CDH19: variants seen among roughly 807,000 people sequenced by gnomAD.
CDH19 encodes the protein cadherin-19.
Under a neutral mutation model 64.2 loss-of-function variants are expected in CDH19, and 67 were observed. The ratio of observed to expected loss-of-function variants is 1.04; its 90% CI spans 0.86 to 1.28. The LOEUF is 1.28. Ranked by LOEUF, CDH19 falls within the 50% of genes most tolerant of loss-of-function variation. The pLI, the probability that CDH19 is intolerant of heterozygous loss-of-function variation, is 0.00. For missense variants in CDH19, 1,030 were observed against 929.0 expected (o/e 1.11, Z -1.41); for synonymous variants, 346 against 319.3 (o/e 1.08, Z -0.89).
chr18:66,570,508 G>T (rs1445572020), intron 2 of CDH19, among the ~76,000 whole-genome samples: 2 of 151,538 alleles, frequency 1.3e-5, no homozygotes, highest in Non-Finnish European at 1.5e-5. Flanking sequence ...TCACTTAATT[G>T]TACTTCCCAA....
In CDH19 at chr18:66,529,874, A is replaced by G; in HGVS notation, c.1429T>C (p.Tyr477His). ...APEFSQYYET[Y>H]VCENAGSGQV... Reference sequence around the variant, plus strand: ...CCAGAGCCTGCATTTTCACAAACATAAGTCTCATAGTATTGAGAGAACTCA... The same window carrying G: ...CCAGAGCCTGCATTTTCACAAACATGAGTCTCATAGTATTGAGAGAACTCA... The change falls in exon 9 of 12, where the codon TAT becomes CAT. Residue 477 changes from tyrosine (Y) to histidine (H), a missense_variant. By Grantham distance (83) the Tyr-to-His change is moderately conservative (BLOSUM62 2). Transcript: ENST00000262150. The G allele has an allele frequency of 6.3e-7, 1 of 1,596,368 alleles. No individual in the cohort carries two copies. The highest frequency in any genetic ancestry group is 8.6e-7 in the Non-Finnish European group (1 of 1,169,198).
chr18:66,547,669 T>TG (rs1568191367), intron 5 of CDH19, among the ~76,000 whole-genome samples: 1 of 135,992 alleles, frequency 7.4e-6, no homozygotes, highest in Non-Finnish European at 1.6e-5. Flanking sequence ...AGGTTTTTTT[T>TG]TTTTTTTTTT....
chr18:66,562,884 T>C lies in CDH19; in HGVS notation c.490+5532A>G, dbSNP rs116784940. Among the ~76,000 whole-genome samples, 1,267 of 152,228 alleles carry C rather than the reference T, an allele frequency of 8.3e-3. 14 individuals are homozygous for C. The highest frequency in any genetic ancestry group is 0.029 in the African/African-American group (1,189 of 41,562). ...ATAATTTATCCAAACATCAGATGTA[T>C]TCTGCCATCACTGAGTAAAACCTGA... On this transcript the variant is annotated intron_variant, in intron 3 of 11. Coordinates refer to ENST00000262150, the MANE Select transcript of CDH19 (RefSeq NM_021153.4).
intron 1 of CDH19, among the ~76,000 whole-genome samples, chr18:66,596,795 A>T (rs1032414455): frequency 6.6e-6 from 1 of 152,066 alleles, no homozygotes. Context: ...AAAAAAAATC[A>T]TACTAGGCCG....
chr18:66,595,898 T>C (rs1988874634), intron 1 of CDH19, among the ~76,000 whole-genome samples: 1 of 152,084 alleles, frequency 6.6e-6, no homozygotes, highest in South Asian at 2.1e-4. Flanking sequence ...CTGGTGAACA[T>C]AGATTCAAAA....
intron 5 of CDH19, among the ~76,000 whole-genome samples, chr18:66,548,288 A>C (rs1016449259): frequency 1.3e-5 from 2 of 148,854 alleles, no homozygotes; most frequent in East Asian, 3.9e-4. Flanking sequence ...TAATATATGA[A>C]GTTGATGAGT....
chr18:66,524,781 C>T (rs1986156356), intron 9 of CDH19, among the ~76,000 whole-genome samples: 1 of 151,966 alleles, frequency 6.6e-6, no homozygotes, highest in African/African-American at 2.4e-5. Context: ...TTCTTACCAA[C>T]AGTCTCTAAA....
intron 2 of CDH19, among the ~76,000 whole-genome samples, chr18:66,571,187 T>C (rs1437229652): frequency 6.6e-6 from 1 of 151,628 alleles, no homozygotes; most frequent in African/African-American, 2.4e-5. Context: ...TGGTTGAATG[T>C]ACTCATATAC....
chr18:66,569,992 C>T (rs1021063713), intron 2 of CDH19, among the ~76,000 whole-genome samples: 10 of 151,506 alleles, frequency 6.6e-5, no homozygotes, highest in Admixed American at 4.0e-4. Flanking sequence ...AATATCAATG[C>T]TATGTAATGA....
intron 2 of CDH19, among the ~76,000 whole-genome samples, chr18:66,569,190 T>C (rs1476933934): frequency 6.6e-6 from 1 of 151,646 alleles, no homozygotes; most frequent in East Asian, 1.9e-4. Context: ...ATAAAGATAA[T>C]GATAATCTTG....
chr18:66,529,988 TA>T, intron 8 of CDH19, 22 bp from the exon 9 acceptor site: 2 of 1,249,150 alleles, frequency 1.6e-6, no homozygotes, highest in Non-Finnish European at 2.2e-6. Context: ...ATATATATAA[TA>T]AAAATCTAAC....
At chr18:66,505,345 G>A (rs754855922) in intron 11 of CDH19, 43 bp from the exon 12 acceptor site, 7 of 1,436,030 alleles carry the variant, frequency 4.9e-6, no homozygotes, top group African/African-American at 1.4e-5. Flanking sequence ...ACAATAAAGA[G>A]TATTATAAAC....
chr18:66,601,085 C>T (rs1989026716), intron 1 of CDH19, among the ~76,000 whole-genome samples: 1 of 151,812 alleles, frequency 6.6e-6, no homozygotes, highest in Non-Finnish European at 1.5e-5. Context: ...TTCAGAGATG[C>T]ATCTATACCT....
In CDH19 at chr18:66,554,490, A is replaced by G. The variant is rs1987448690; in HGVS notation, c.525T>C (p.Ala175=). Residue 175 remains alanine, a synonymous_variant, in exon 4 of 12, where the codon GCT becomes GCC. Transcript: ENST00000262150. The part of the protein sequence containing the change: ...TLVIQVTASD[A]DDPSSGNNAR... ...CATTATTACCACTTGAGGGATCGTC[A>G]GCATCACTTGCTGTCACCTGGATAA... The G allele has an allele frequency of 6.2e-7, 1 of 1,610,824 alleles. No individual in the cohort carries two copies.
chr18:66,568,513 C>A lies in CDH19; in HGVS notation c.393G>T (p.Glu131Asp), dbSNP rs201303328. The change falls in exon 3 of 12, where the codon GAG becomes GAT. Residue 131 changes from glutamate to aspartate, a missense_variant. Physicochemically the swap from Glu to Asp is conservative, Grantham distance 45. Transcript: ENST00000262150. ...DIATGRAVEP[E>D]SEFVIKVSDI... Reference sequence around the variant, plus strand: ...CCGAAACTTTGATGACAAACTCAGACTCAGGTTCCACAGCCCTTCCAGTAG... The same window carrying A: ...CCGAAACTTTGATGACAAACTCAGAATCAGGTTCCACAGCCCTTCCAGTAG... The A allele has an allele frequency of 1.3e-4, 216 of 1,612,382 alleles. 3 individuals are homozygous for A. In the South Asian group the frequency reaches 2.2e-3, roughly 16 times the overall value.
intron 1 of CDH19, among the ~76,000 whole-genome samples, chr18:66,599,511 A>G (rs1248824296): frequency 2.0e-5 from 3 of 152,068 alleles, no homozygotes; most frequent in Non-Finnish European, 4.4e-5. Flanking sequence ...TTAATAGTAG[A>G]GTATTCTACA....
chr18:66,502,869 GC>G lies in CDH19; in HGVS notation c.*1942del, dbSNP rs1184838503. 6.6e-6 allele frequency: 1 copy of G among 151,720 alleles called. No homozygotes were observed. The highest frequency in any genetic ancestry group is 1.5e-5 in the Non-Finnish European group (1 of 67,846). 9.4% of individuals were successfully genotyped at this position (151,720 alleles called of 1,614,324 possible). A position where few individuals can be genotyped will look rare whatever the true frequency, so the allele number is the denominator to read the frequency against. ...TTCACTTCAAATCTGGTTTTCTCAA[GC>G]TTTTGTGAAATGATAATATTTGTGT... On this transcript the variant is annotated 3_prime_UTR_variant, in exon 12 of 12. Transcript: ENST00000262150.
At chr18:66,599,045 A>C (rs1370693890) in intron 1 of CDH19, among the ~76,000 whole-genome samples, 2 of 151,912 alleles carry the variant, frequency 1.3e-5, no homozygotes, top group Non-Finnish European at 2.9e-5. Flanking sequence ...AAAGGATATA[A>C]TGTAAAAAAT....
chr18:66,580,090 CA>C (rs1459674472), intron 1 of CDH19, among the ~76,000 whole-genome samples: 1 of 151,808 alleles, frequency 6.6e-6, no homozygotes, highest in African/African-American at 2.4e-5. Context: ...AAATCAACAA[CA>C]AAAATATACA....
Sources: gnomAD v4.1 joint callset for allele counts (sites outside exome capture counted in the v4.1 genomes callset) on GRCh38, gnomAD v4.1.1 for gene constraint, MANE v1.5 for transcripts, NCBI Gene and HGNC (gene_info 2026-07-23, HGNC 2026-07-21) for gene names.